The following TYW3 variants were observed in gnomAD, a reference collection of about 807,000 sequenced individuals.
TYW3 encodes tRNA wybutosine-synthesizing protein 3 homolog.
TYW3 carries 26 observed loss-of-function variants against 23.1 expected under a neutral mutation model. The ratio of observed to expected loss-of-function variants is 1.13; its 90% CI spans 0.83 to 1.56. The LOEUF (loss-of-function observed/expected upper bound fraction) is 1.56. Among genes scored for constraint, TYW3 ranks in the 40% most tolerant of loss-of-function variants. TYW3 has a pLI of 0.00. For synonymous variants in TYW3, 102 were observed against 105.7 expected, an observed-to-expected ratio of 0.97 and a Z score of 0.21; for missense variants, 316 against 311.9, an observed-to-expected ratio of 1.01 and a Z score of -0.10.
At chr1:74,739,898 T>G (rs890001952) in intron 3 of TYW3, among the ~76,000 whole-genome samples, 4 of 152,088 alleles carry the variant, frequency 2.6e-5, no homozygotes, top group African/African-American at 9.7e-5. Flanking sequence ...ATCAACAGAA[T>G]TGTAAGGTTG....
intron 1 of TYW3, among the ~76,000 whole-genome samples, chr1:74,735,771 G>T (rs1648132798): frequency 6.6e-6 from 1 of 152,290 alleles, no homozygotes; most frequent in African/African-American, 2.4e-5. Context: ...ATTTATTTAG[G>T]ACATGCATAG....
chr1:74,744,478 C>T (rs1027947269), intron 3 of TYW3, among the ~76,000 whole-genome samples: 8 of 152,026 alleles, frequency 5.3e-5, no homozygotes, highest in Admixed American at 3.3e-4. Context: ...CCTGTTGATG[C>T]GTGAGTGTTT....
rs1183108911 is a variant in TYW3 at position 74,764,855 on chromosome 1, C to T, written c.*742C>T. The T allele has an allele frequency of 6.6e-6, 1 of 152,036 alleles. No homozygotes were observed. Among genetic ancestry groups the T allele is most frequent in the East Asian group, 1.9e-4 (1 of 5,174 alleles). The allele number at this position is 152,036 out of a possible 1,614,324, so 9.4% of individuals were successfully genotyped here. Reference sequence around the variant, plus strand: ...CAAAGGGTATATAATGGATATGAGGCATCAAAAAGCATGGTATAGTCAGTG... The same window carrying T: ...CAAAGGGTATATAATGGATATGAGGTATCAAAAAGCATGGTATAGTCAGTG... On this transcript the variant is annotated 3_prime_UTR_variant, in exon 6 of 6. Coordinates refer to ENST00000370867, the MANE Select transcript of TYW3 (RefSeq NM_138467.3).
intron 5 of TYW3, among the ~76,000 whole-genome samples, chr1:74,755,521 G>C (rs1041822681): frequency 2.0e-5 from 3 of 152,172 alleles, no homozygotes; most frequent in Non-Finnish European, 4.4e-5. Context: ...GTTTCTTTAA[G>C]AGTGAATAAT....
intron 3 of TYW3, among the ~76,000 whole-genome samples, chr1:74,744,551 C>T (rs948970814): frequency 2.0e-5 from 3 of 152,104 alleles, no homozygotes; most frequent in Non-Finnish European, 2.9e-5. Flanking sequence ...GAATAGCAAG[C>T]GAAAGCGGTC....
At chr1:74,745,676 T>G (rs1256873912) in intron 3 of TYW3, among the ~76,000 whole-genome samples, 1 of 152,248 alleles carries the variant, frequency 6.6e-6, no homozygotes, top group South Asian at 2.1e-4. Flanking sequence ...GTGATTCATA[T>G]GTTAAGTGTG....
At chr1:74,740,347 G>A (rs1648309337) in intron 3 of TYW3, among the ~76,000 whole-genome samples, 1 of 152,230 alleles carries the variant, frequency 6.6e-6, no homozygotes, top group South Asian at 2.1e-4. Context: ...TCCACAGTGA[G>A]TGTTAACAGC....
chr1:74,739,181 T>C (rs1219090397), intron 3 of TYW3, among the ~76,000 whole-genome samples: 2 of 152,188 alleles, frequency 1.3e-5, no homozygotes, highest in Non-Finnish European at 2.9e-5. Flanking sequence ...CTGTTTAGTC[T>C]TGATTCTCCT....
intron 3 of TYW3, among the ~76,000 whole-genome samples, chr1:74,740,784 T>C (rs1297235709): frequency 2.6e-5 from 4 of 152,272 alleles, no homozygotes; most frequent in Non-Finnish European, 5.9e-5. Flanking sequence ...TTTACAGTCC[T>C]TTAGCTACAC....
chr1:74,763,153 G>A (rs888635797), intron 5 of TYW3, among the ~76,000 whole-genome samples: 4 of 152,174 alleles, frequency 2.6e-5, no homozygotes, highest in African/African-American at 9.6e-5. Flanking sequence ...TATTAGAAGC[G>A]TATTTCTTTG....
Position 74,736,507 on chromosome 1 carries a change from A to G in TYW3, c.175-35A>G, listed in dbSNP as rs1648157727. 6 of 1,474,376 alleles carry G rather than the reference A, an allele frequency of 4.1e-6. No homozygotes were observed. In the African/African-American group the frequency reaches 4.3e-5, roughly 10 times the overall value. The allele number at this position is 1,474,376 out of a possible 1,614,324, so 91.3% of individuals were successfully genotyped here. The stretch of plus-strand genomic sequence containing the variant: ...ATGCTTATTATTTTTGTAAAATATT[A>G]TATGAAACTTAAATTATGTTATTTT... On this transcript the variant is annotated intron_variant, in intron 1 of 5. Coordinates refer to ENST00000370867, the MANE Select transcript of TYW3 (RefSeq NM_138467.3).
rs1649269425 is a variant in TYW3 at position 74,765,385 on chromosome 1, C to A, written c.*1272C>A. ...TTCCAGGAAAGCATGGCAACTCGTT[C>A]AGCTATGTAAGTTGAACTCTGTACC... On this transcript the variant is annotated 3_prime_UTR_variant, in exon 6 of 6. Transcript: ENST00000370867. The A allele has an allele frequency of 6.6e-6, 1 of 152,132 alleles. No homozygotes were observed. The highest frequency in any genetic ancestry group is 2.4e-5 in the African/African-American group (1 of 41,428). 9.4% of individuals were successfully genotyped at this position (152,132 alleles called of 1,614,324 possible).
rs1647969593 is a variant in TYW3 at position 74,733,290 on chromosome 1, A to G, written c.46A>G (p.Ser16Gly). 1.2e-6 allele frequency: 2 copies of G among 1,614,038 alleles called. No homozygotes were observed. Among genetic ancestry groups the G allele is most frequent in the Non-Finnish European group, 1.7e-6 (2 of 1,180,038 alleles). Residue 16 changes from serine (S) to glycine (G), a missense_variant, in exon 1 of 6, where the codon AGC (serine) becomes GGC (glycine). Coordinates refer to ENST00000370867, the MANE Select transcript of TYW3 (RefSeq NM_138467.3). ...EFRKWKAQCL[S>G]KADLSRKGSV... is the part of the protein sequence containing the mutation. ...CAGGAAATGGAAGGCGCAATGTTTGAGCAAAGCGGACCTCAGCCGGAAGGG... is the reference window on the plus strand; with the variant it reads ...CAGGAAATGGAAGGCGCAATGTTTGGGCAAAGCGGACCTCAGCCGGAAGGG...
At chr1:74,742,358 G>A (rs573393795) in intron 3 of TYW3, among the ~76,000 whole-genome samples, 2 of 152,282 alleles carry the variant, frequency 1.3e-5, no homozygotes, top group East Asian at 1.9e-4. Context: ...TTCGTGGAGG[G>A]TTTTAAGTAT....
Position 74,762,655 on chromosome 1 carries a change from A to G in TYW3, c.561-1239A>G, listed in dbSNP as rs530570370. On this transcript the variant is annotated intron_variant, in intron 5 of 5. Transcript: ENST00000370867. Reference sequence around the variant, plus strand: ...TAACTAACTCTCTGGGTACTTACATATATCATCTGTAATCCTGTGACAACC... The same window carrying G: ...TAACTAACTCTCTGGGTACTTACATGTATCATCTGTAATCCTGTGACAACC... Among the ~76,000 whole-genome samples, 110 of 152,296 alleles carry G rather than the reference A, an allele frequency of 7.2e-4. No individual in the cohort carries two copies. In the Middle Eastern group the frequency reaches 0.01, roughly 14 times the overall value.
At position 74,766,600 on chromosome 1, in the gene TYW3, GAAATT is replaced by G; in HGVS notation, c.*2491_*2495del. The G allele has an allele frequency of 6.6e-6, 1 of 152,252 alleles. No individual in the cohort carries two copies. The highest frequency in any genetic ancestry group is 1.5e-5 in the Non-Finnish European group (1 of 67,998). 9.4% of individuals were successfully genotyped at this position (152,252 alleles called of 1,614,324 possible). A position where few individuals can be genotyped will look rare whatever the true frequency, so the allele number is the denominator to read the frequency against. ...TTACCAAAGAGTCAAAAAGTTTTAA[GAAATT>G]AAAGTTTATAAACCAAATGTTCATT... On this transcript the variant is annotated 3_prime_UTR_variant, in exon 6 of 6. Transcript: ENST00000370867.
chr1:74,758,056 A>T (rs1230583801), intron 5 of TYW3, among the ~76,000 whole-genome samples: 1 of 152,242 alleles, frequency 6.6e-6, no homozygotes, highest in African/African-American at 2.4e-5. Context: ...ATAAATAGGG[A>T]TCAGTGAATG....
At chr1:74,738,477 G>A (rs372912199) in intron 2 of TYW3, among the ~76,000 whole-genome samples, 2 of 152,216 alleles carry the variant, frequency 1.3e-5, no homozygotes, top group African/African-American at 4.8e-5. Context: ...GAATGGTATA[G>A]AAGATTTACG....
At chr1:74,759,751 C>T (rs1157001298) in intron 5 of TYW3, among the ~76,000 whole-genome samples, 1 of 152,112 alleles carries the variant, frequency 6.6e-6, no homozygotes, top group Non-Finnish European at 1.5e-5. Context: ...TCAAGTGATC[C>T]TCCACCTCAG....
Sources: allele counts gnomAD v4.1 joint callset (sites outside exome capture counted in the v4.1 genomes callset), GRCh38; gene constraint gnomAD v4.1.1; transcripts MANE v1.5; gene names NCBI Gene and HGNC (gene_info 2026-07-23, HGNC 2026-07-21).